CRLF3: variants seen among roughly 807,000 people sequenced by gnomAD.
CRLF3 encodes cytokine receptor like factor 3, also known as cytokine receptor-like factor 3.
A neutral mutation model predicts 55.0 loss-of-function variants in CRLF3; 33 were observed. The observed-to-expected ratio is 0.60, with a 90% CI of 0.46 to 0.80. The LOEUF is 0.80. Among genes scored for constraint, CRLF3 ranks in the 30% least tolerant of loss-of-function variants. The pLI, the probability that CRLF3 is intolerant of heterozygous loss-of-function variation, is 0.00. For synonymous variants in CRLF3, 238 were observed against 196.8 expected (o/e 1.21, Z -1.75); for missense variants, 494 against 538.4 (o/e 0.92, Z 0.82).
At chr17:30,796,810 A>G (rs1332856439) in intron 3 of CRLF3, among the ~76,000 whole-genome samples, 1 of 142,716 alleles carries the variant, frequency 7.0e-6, no homozygotes, top group African/African-American at 2.6e-5. Flanking sequence ...TGCAACCTCC[A>G]CCTCCCCGAT....
intron 1 of CRLF3, chr17:30,809,808 A>C (rs1055351593): frequency 6.6e-6 from 1 of 151,936 alleles, no homozygotes; most frequent in African/African-American, 2.4e-5. Context: ...GTGTCACTAC[A>C]CCCAGCTATA....
intron 1 of CRLF3, among the ~76,000 whole-genome samples, chr17:30,820,486 A>G (rs1429684779): frequency 2.6e-5 from 4 of 152,126 alleles, no homozygotes; most frequent in Non-Finnish European, 5.9e-5. Flanking sequence ...CTCAGGAGTT[A>G]GAAATCGGCC....
intron 7 of CRLF3, 169 bp from the exon 8 acceptor site, chr17:30,784,612 G>A (rs1371189619): frequency 1.7e-6 from 1 of 595,784 alleles, no homozygotes; most frequent in Non-Finnish European, 2.9e-6. Context: ...TACTCTTCCA[G>A]CAGAGACTAT....
At chr17:30,808,667 A>G (rs1904509976) in intron 1 of CRLF3, among the ~76,000 whole-genome samples, 3 of 151,486 alleles carry the variant, frequency 2.0e-5, no homozygotes, top group African/African-American at 7.3e-5. Flanking sequence ...AACTCGGCTC[A>G]CTGCAACCTC....
intron 1 of CRLF3, among the ~76,000 whole-genome samples, chr17:30,811,118 C>T (rs939588721): frequency 7.9e-5 from 12 of 152,012 alleles, no homozygotes; most frequent in Middle Eastern, 3.4e-3. Flanking sequence ...AAAAAGAAAA[C>T]CACATATATA....
At chr17:30,793,279 G>T in intron 5 of CRLF3, among the ~76,000 whole-genome samples, 171 bp downstream of exon 5, 1 of 152,064 alleles carries the variant, frequency 6.6e-6, no homozygotes, top group Admixed American at 6.6e-5. Context: ...AAGAACTGAT[G>T]AAAACAAAAA....
At chr17:30,821,318 T>TGAC (rs2142277675) in intron 1 of CRLF3, among the ~76,000 whole-genome samples, 1 of 145,992 alleles carries the variant, frequency 6.8e-6, no homozygotes, top group East Asian at 2.0e-4. Context: ...CCAGCCTGGG[T>TGAC]GACAGAGTGA....
intron 1 of CRLF3, among the ~76,000 whole-genome samples, chr17:30,815,293 C>A (rs1012983136): frequency 1.1e-4 from 16 of 151,574 alleles, no homozygotes; most frequent in Non-Finnish European, 2.2e-4. Flanking sequence ...AGCATGTTGG[C>A]CAGGCTGGTC....
At chr17:30,818,709 C>T (rs2142275248) in intron 1 of CRLF3, among the ~76,000 whole-genome samples, 1 of 152,130 alleles carries the variant, frequency 6.6e-6, no homozygotes, top group African/African-American at 2.4e-5. Flanking sequence ...CCGCCTCAGC[C>T]TCCCAAAATG....
At chr17:30,814,581 C>T (rs756902829) in intron 1 of CRLF3, among the ~76,000 whole-genome samples, 2 of 151,348 alleles carry the variant, frequency 1.3e-5, no homozygotes, top group East Asian at 1.9e-4. Flanking sequence ...CGCTTGAACC[C>T]GGGAGGCAGA....
At chr17:30,800,509 T>C (rs1971990080) in intron 2 of CRLF3, among the ~76,000 whole-genome samples, 1 of 152,116 alleles carries the variant, frequency 6.6e-6, no homozygotes. Context: ...CTGATTTTTG[T>C]TATCACAAAT....
intron 1 of CRLF3, among the ~76,000 whole-genome samples, chr17:30,808,010 C>T (rs1001866461): frequency 1.3e-5 from 2 of 152,150 alleles, no homozygotes; most frequent in Admixed American, 1.3e-4. Context: ...CCAAATTGCA[C>T]TTGATTCAGC....
chr17:30,793,408 A>G lies in CRLF3; in HGVS notation c.826+42T>C. 3 of 1,481,954 alleles carry G rather than the reference A, an allele frequency of 2.0e-6. No individual in the cohort carries two copies. In the East Asian group the frequency reaches 6.8e-5, roughly 33 times the overall value. The allele number at this position is 1,481,954 out of a possible 1,614,324, so 91.8% of individuals were successfully genotyped here. ...CTTAGCACAGAATACAGGTATTCTAATATATAGTTAGGCTTCAGGAGAGAA... is the reference window on the plus strand; with the variant it reads ...CTTAGCACAGAATACAGGTATTCTAGTATATAGTTAGGCTTCAGGAGAGAA... On this transcript the variant is annotated intron_variant, in intron 5 of 7. Transcript: ENST00000324238.
At chr17:30,788,709 G>T (rs1480437338) in intron 6 of CRLF3, among the ~76,000 whole-genome samples, 2 of 144,954 alleles carry the variant, frequency 1.4e-5, no homozygotes, top group African/African-American at 5.1e-5. Context: ...CTGGGTTCAA[G>T]CGATTCTCCT....
intron 6 of CRLF3, among the ~76,000 whole-genome samples, chr17:30,790,252 C>G (rs1385657277): frequency 1.3e-5 from 2 of 151,968 alleles, no homozygotes; most frequent in Admixed American, 6.6e-5. Context: ...AATCCCATCT[C>G]AAGACTTAAA....
Position 30,792,574 on chromosome 17 carries a change from T to C in CRLF3, c.827-2A>G, listed in dbSNP as rs1235035139. 1 of 1,590,502 alleles carries C rather than the reference T, an allele frequency of 6.3e-7. No individual in the cohort carries two copies. Among genetic ancestry groups the C allele is most frequent in the Admixed American group, 1.7e-5 (1 of 59,736 alleles). On this transcript the variant is annotated splice_acceptor_variant, in intron 5 of 7. Coordinates refer to ENST00000324238, the MANE Select transcript of CRLF3 (RefSeq NM_015986.4). LOFTEE classifies it high-confidence loss of function. Reference sequence around the variant, plus strand: ...ACCCCTCAAAACCAGCTGTCCACTCTTTTTCAAAGCAAAGATATTGAAAAC... The same window carrying C: ...ACCCCTCAAAACCAGCTGTCCACTCCTTTTCAAAGCAAAGATATTGAAAAC...
rs9910234 is a variant in CRLF3, at chr17:30,783,490, G to A, written c.*697C>T. ...AAATTAGCCAGGTGTGGTGGCCGAC[G>A]CCTGTAATCCCAGCTACTCAGGAGC... On this transcript the variant is annotated 3_prime_UTR_variant, in exon 8 of 8. Coordinates refer to ENST00000324238, the MANE Select transcript of CRLF3 (RefSeq NM_015986.4). 0.13 allele frequency: 19,313 copies of A among 152,142 alleles called. 1,281 individuals are homozygous for A. The highest frequency in any genetic ancestry group is 0.25 in the South Asian group (1,204 of 4,826). The allele number at this position is 152,142 out of a possible 1,614,324, so 9.4% of individuals were successfully genotyped here. A position where few individuals can be genotyped will look rare whatever the true frequency, so the allele number is the denominator to read the frequency against.
chr17:30,789,992 T>C (rs55938328), intron 6 of CRLF3, among the ~76,000 whole-genome samples: 20,596 of 151,858 alleles, frequency 0.14, 1,496 homozygotes, highest in South Asian at 0.25. Flanking sequence ...AGGTATTAGT[T>C]GTTTTTTTTT....
At chr17:30,797,777 T>TG (rs1400380312) in intron 2 of CRLF3, among the ~76,000 whole-genome samples, 1 of 138,264 alleles carries the variant, frequency 7.2e-6, no homozygotes, top group African/African-American at 2.7e-5. Flanking sequence ...GATAGGGTGT[T>TG]TTTTTTTTTT....
Sources: allele counts gnomAD v4.1 joint callset (sites outside exome capture counted in the v4.1 genomes callset), GRCh38; gene constraint gnomAD v4.1.1; transcripts MANE v1.5; gene names NCBI Gene and HGNC (gene_info 2026-07-23, HGNC 2026-07-21).